ZIK1: variants seen among roughly 807,000 people sequenced by gnomAD.
The protein encoded by ZIK1 is zinc finger protein interacting with ribonucleoprotein K.
In ZIK1, 12 loss-of-function variants were observed where a neutral mutation model predicts 10.7. That is an observed-to-expected ratio of 1.12 (90% CI 0.72 to 1.81). ZIK1 has a LOEUF of 1.81. Among genes scored for constraint, ZIK1 ranks in the 40% most tolerant of loss-of-function variants. The pLI is 0.00. For missense variants in ZIK1, 497 were observed against 585.7 expected, an observed-to-expected ratio of 0.85 and a Z score of 1.56; for synonymous variants, 190 against 205.0, an observed-to-expected ratio of 0.93 and a Z score of 0.63.
chr19:57,591,238 C>T lies in ZIK1; in HGVS notation c.1427C>T (p.Ser476Phe), dbSNP rs1458442596. Reference protein sequence around the residue: ...NKCGNSFSQCSSLIHHQKCHN... With the variant: ...NKCGNSFSQCFSLIHHQKCHN... Reference sequence around the variant, plus strand: ...TGTGGGAATTCCTTTAGCCAATGCTCCAGCCTCATACATCACCAAAAATGT... The same window carrying T: ...TGTGGGAATTCCTTTAGCCAATGCTTCAGCCTCATACATCACCAAAAATGT... The change falls in exon 4 of 4, where the codon TCC (serine) becomes TTC (phenylalanine). Residue 476 changes from serine (S) to phenylalanine (F), a missense_variant. Physicochemically the swap from Ser to Phe is radical, Grantham distance 155 (BLOSUM62 -2). Transcript: ENST00000597850. 10 of 1,613,296 alleles carry T rather than the reference C, an allele frequency of 6.2e-6. No individual in the cohort carries two copies. The South Asian group carries it at 7.7e-5, about 12-fold the overall frequency.
At chr19:57,589,232 A>G (rs1208574085) in intron 3 of ZIK1, 1 of 984,490 alleles carries the variant, frequency 1.0e-6, no homozygotes, top group Non-Finnish European at 1.2e-6. Context: ...GTGCAGAGAA[A>G]CCTGGTTGCT....
At chr19:57,588,782 T>TAACACCTGCTGCCCAGTGGTCTGGG (rs547714411) in intron 3 of ZIK1, 117 bp downstream of exon 3, 11 of 1,141,986 alleles carry the variant, frequency 9.6e-6, no homozygotes, top group Middle Eastern at 2.2e-4. Flanking sequence ...TGAGTAGCCC[T>TAACACCTGCTGCCCAGTGGTCTGGG]AACACCTGCT....
chr19:57,584,450 C>A, intron 1 of ZIK1, 61 bp downstream of exon 1: 1 of 1,570,618 alleles, frequency 6.4e-7, no homozygotes, highest in Non-Finnish European at 8.6e-7. Flanking sequence ...TCTTGGGTCA[C>A]TACGGTCGAG....
chr19:57,585,627 C>G (rs1011824998), intron 2 of ZIK1, among the ~76,000 whole-genome samples: 3 of 152,140 alleles, frequency 2.0e-5, no homozygotes, highest in African/African-American at 7.2e-5. Flanking sequence ...AAGCATTACT[C>G]CAGGCATTTT....
chr19:57,585,131 G>A, intron 2 of ZIK1, 141 bp downstream of exon 2: 2 of 730,414 alleles, frequency 2.7e-6, no homozygotes, highest in Non-Finnish European at 4.3e-6. Flanking sequence ...CTAGACTGGT[G>A]GTTATTTGTA....
intron 2 of ZIK1, among the ~76,000 whole-genome samples, chr19:57,585,611 C>G (rs1277410784): frequency 6.6e-6 from 1 of 152,184 alleles, no homozygotes; most frequent in Non-Finnish European, 1.5e-5. Context: ...GTAAGAGATA[C>G]TGGTCAAGCA....
intron 1 of ZIK1, 70 bp from the exon 2 acceptor site, chr19:57,584,882 A>G (rs971996330): frequency 3.8e-6 from 6 of 1,558,922 alleles, no homozygotes; most frequent in Non-Finnish European, 5.3e-6. Context: ...CTGGACAGGA[A>G]TCCAGGGAAG....
chr19:57,585,056 T>G, intron 2 of ZIK1, 66 bp downstream of exon 2: 1 of 1,519,432 alleles, frequency 6.6e-7, no homozygotes, highest in Non-Finnish European at 9.0e-7. Flanking sequence ...TCATGGATCT[T>G]TTTGCCACCA....
chr19:57,592,288 ATACCTGGGTATTTCTGTACTGT>A lies in ZIK1; in HGVS notation c.*1014_*1035del. 6.6e-6 allele frequency: 1 copy of A among 152,222 alleles called. No individual in the cohort carries two copies. Among genetic ancestry groups the A allele is most frequent in the African/African-American group, 2.4e-5 (1 of 41,538 alleles). The allele number at this position is 152,222 out of a possible 1,614,324, so 9.4% of individuals were successfully genotyped here. A position where few individuals can be genotyped will look rare whatever the true frequency, so the allele number is the denominator to read the frequency against. ...CATGTGAACTGTAATTGGTACAGAA[ATACCTGGGTATTTCTGTACTGT>A]GTGTACTGTAGCAAACTAGTTGGAA... On this transcript the variant is annotated 3_prime_UTR_variant, in exon 4 of 4. Transcript: ENST00000597850.
At chr19:57,589,814 C>T (rs1024968626) in intron 3 of ZIK1, 197 bp from the exon 4 acceptor site, 1 of 723,954 alleles carries the variant, frequency 1.4e-6, no homozygotes, top group Non-Finnish European at 1.7e-6. Context: ...ATCCTTGTGT[C>T]CTTTATTTGG....
intron 1 of ZIK1, 41 bp downstream of exon 1, chr19:57,584,430 A>G: frequency 6.2e-7 from 1 of 1,601,122 alleles, no homozygotes; most frequent in Non-Finnish European, 8.5e-7. Flanking sequence ...CCATCCCCAA[A>G]TTAGTGCCTT....
rs2090292778 is a variant in ZIK1 at position 57,590,421 on chromosome 19, A to G, written c.610A>G (p.Ile204Val). 6.2e-7 allele frequency: 1 copy of G among 1,614,078 alleles called. No individual in the cohort carries two copies. The highest frequency in any genetic ancestry group is 1.3e-5 in the African/African-American group (1 of 74,944). The change falls in exon 4 of 4, where the codon ATT (isoleucine) becomes GTT (valine). Residue 204 changes from isoleucine to valine, a missense_variant. Coordinates refer to ENST00000597850, the MANE Select transcript of ZIK1 (RefSeq NM_001010879.4). ...CACAATTACTGAATGTGGGGAGGACATTCGCAGTCAAAAAAGTCATTACAA... is the reference window on the plus strand; with the variant it reads ...CACAATTACTGAATGTGGGGAGGACGTTCGCAGTCAAAAAAGTCATTACAA... ...PGTITECGED[I>V]RSQKSHYKSG...
chr19:57,586,627 C>T (rs913248933), intron 2 of ZIK1, among the ~76,000 whole-genome samples: 5 of 152,138 alleles, frequency 3.3e-5, no homozygotes, highest in African/African-American at 9.7e-5. Flanking sequence ...TGCTTGGACA[C>T]GTGGTAGAGG....
At chr19:57,584,505 T>C in intron 1 of ZIK1, 116 bp downstream of exon 1, 2 of 1,436,998 alleles carry the variant, frequency 1.4e-6, no homozygotes, top group Non-Finnish European at 1.8e-6. Flanking sequence ...GGGGTCCCTA[T>C]TTCCAGAACT....
chr19:57,589,434 T>C (rs1200689746), intron 3 of ZIK1: 7 of 985,316 alleles, frequency 7.1e-6, no homozygotes, highest in South Asian at 9.4e-5. Flanking sequence ...CTCTCTCTTA[T>C]TATTTTTATC....
In ZIK1 at chr19:57,591,478, C is replaced by T; in HGVS notation, c.*203C>T. 1 of 600,868 alleles carries T rather than the reference C, an allele frequency of 1.7e-6. No homozygotes were observed. The highest frequency in any genetic ancestry group is 2.9e-6 in the Non-Finnish European group (1 of 345,116). 37.2% of individuals were successfully genotyped at this position (600,868 alleles called of 1,614,324 possible). On this transcript the variant is annotated 3_prime_UTR_variant, in exon 4 of 4. Transcript: ENST00000597850. ...TTCTTCCTTGTTTCTCTGGTAGAAA[C>T]CATCTACCCTCTACCACCTTGCACA...
intron 2 of ZIK1, among the ~76,000 whole-genome samples, chr19:57,587,032 G>T (rs1362046895): frequency 6.6e-6 from 1 of 152,176 alleles, no homozygotes; most frequent in Non-Finnish European, 1.5e-5. Context: ...AGGGTGAAAG[G>T]CATGTCTTGC....
intron 3 of ZIK1, chr19:57,589,286 G>A (rs1180661679): frequency 1.0e-6 from 1 of 985,318 alleles, no homozygotes; most frequent in South Asian, 4.7e-5. Context: ...GGCTTGTTGA[G>A]TGGCAACTGG....
chr19:57,587,351 C>G lies in ZIK1; in HGVS notation c.73-1188C>G, dbSNP rs1211272154. On this transcript the variant is annotated intron_variant, in intron 2 of 3. Transcript: ENST00000597850. ...TAGAAGATGACACTGAGGCCAGGTA[C>G]AGTGGACTGTGTCCCCGCAAAATTC... 2.6e-5 allele frequency among the ~76,000 whole-genome samples: 4 copies of G among 152,122 alleles called. No individual in the cohort carries two copies. The East Asian group carries it at 7.7e-4, about 29-fold the overall frequency.
Sources: gnomAD v4.1 joint callset for allele counts (sites outside exome capture counted in the v4.1 genomes callset) on GRCh38, gnomAD v4.1.1 for gene constraint, MANE v1.5 for transcripts, NCBI Gene and HGNC (gene_info 2026-07-23, HGNC 2026-07-21) for gene names.